TSHZ2: variants seen among roughly 807,000 people sequenced by gnomAD.
TSHZ2 encodes teashirt homolog 2.
A neutral mutation model predicts 74.4 loss-of-function variants in TSHZ2; 21 were observed. The ratio of observed to expected loss-of-function variants is 0.28; its 90% CI spans 0.20 to 0.41. The LOEUF is 0.41. Ranked by LOEUF, TSHZ2 falls within the 10% of genes least tolerant of loss-of-function variation. The pLI is 1.00. For synonymous variants in TSHZ2, 540 were observed against 515.3 expected (o/e 1.05, Z -0.65); for missense variants, 1,244 against 1,293.5 (o/e 0.96, Z 0.59).
intron 1 of TSHZ2, among the ~76,000 whole-genome samples, chr20:53,123,593 T>C (rs2123359620): frequency 6.6e-6 from 1 of 151,466 alleles, no homozygotes; most frequent in Non-Finnish European, 1.5e-5. Context: ...TAAGCATTTT[T>C]CAAGTTTTTG....
At chr20:53,003,350 C>T (rs976736912) in intron 1 of TSHZ2, among the ~76,000 whole-genome samples, 10 of 151,742 alleles carry the variant, frequency 6.6e-5, no homozygotes, top group African/African-American at 2.2e-4. Flanking sequence ...CGCTGGACAG[C>T]TCAGGATCTT....
intron 1 of TSHZ2, among the ~76,000 whole-genome samples, chr20:53,004,533 G>T (rs1022499032): frequency 6.6e-6 from 1 of 152,134 alleles, no homozygotes; most frequent in South Asian, 2.1e-4. Context: ...AACAAAAACA[G>T]AGAAAAGGCA....
At chr20:53,051,457 GCACACACACACACA>G (rs11474223) in intron 1 of TSHZ2, among the ~76,000 whole-genome samples, 16 of 145,098 alleles carry the variant, frequency 1.1e-4, no homozygotes, top group African/African-American at 2.0e-4. Context: ...TGTGGCGCAC[GCACACACACACACA>G]CACACACACA....
At chr20:53,192,894 T>A (rs1377718330) in intron 1 of TSHZ2, among the ~76,000 whole-genome samples, 2 of 152,242 alleles carry the variant, frequency 1.3e-5, no homozygotes, top group Non-Finnish European at 2.9e-5. Flanking sequence ...GAATACAAGA[T>A]TCCTCAGGTT....
chr20:53,101,807 G>A (rs545533370), intron 1 of TSHZ2, among the ~76,000 whole-genome samples: 1 of 152,254 alleles, frequency 6.6e-6, no homozygotes, highest in African/African-American at 2.4e-5. Flanking sequence ...ATTGGTGATG[G>A]GGTTAAAGTG....
chr20:53,273,662 G>A (rs1206507789), intron 2 of TSHZ2, among the ~76,000 whole-genome samples: 1 of 152,172 alleles, frequency 6.6e-6, no homozygotes, highest in Admixed American at 6.5e-5. Flanking sequence ...GAAAGCAGGA[G>A]GCCAGCAAGG....
chr20:53,436,330 A>T (rs954167409), intron 2 of TSHZ2, among the ~76,000 whole-genome samples: 11 of 152,074 alleles, frequency 7.2e-5, no homozygotes, highest in Non-Finnish European at 1.5e-4. Context: ...CCAAGAAACT[A>T]CGCTAGTCAG....
chr20:53,373,660 A>C (rs1163805835), intron 2 of TSHZ2, among the ~76,000 whole-genome samples: 1 of 152,238 alleles, frequency 6.6e-6, no homozygotes. Flanking sequence ...AGTTCAAGCC[A>C]ACAGGATTTT....
intron 1 of TSHZ2, among the ~76,000 whole-genome samples, chr20:53,025,489 G>C (rs1029685360): frequency 1.3e-5 from 2 of 152,144 alleles, no homozygotes; most frequent in Non-Finnish European, 2.9e-5. Context: ...GCACATTGAA[G>C]CTGCCCTTCC....
At chr20:53,126,122 G>T (rs114635885) in intron 1 of TSHZ2, among the ~76,000 whole-genome samples, 219 of 152,318 alleles carry the variant, frequency 1.4e-3, no homozygotes, top group African/African-American at 5.1e-3. Flanking sequence ...CTACCCTGAA[G>T]AAGCCATTTT....
chr20:53,329,412 C>A (rs1369742815), intron 2 of TSHZ2, among the ~76,000 whole-genome samples: 1 of 152,144 alleles, frequency 6.6e-6, no homozygotes, highest in Non-Finnish European at 1.5e-5. Flanking sequence ...TATACACAGA[C>A]CCCAGGACTG....
chr20:53,122,738 C>T (rs982765115), intron 1 of TSHZ2, among the ~76,000 whole-genome samples: 6 of 152,160 alleles, frequency 3.9e-5, no homozygotes, highest in African/African-American at 1.4e-4. Context: ...TACCTAGACA[C>T]ACCAAAGATA....
At chr20:53,389,360 T>C (rs542542489) in intron 2 of TSHZ2, among the ~76,000 whole-genome samples, 4 of 152,384 alleles carry the variant, frequency 2.6e-5, no homozygotes, top group Non-Finnish European at 5.9e-5. Flanking sequence ...GCTCAACTCC[T>C]ACACGATTGT....
intron 1 of TSHZ2, among the ~76,000 whole-genome samples, chr20:53,061,005 G>A (rs1984804582): frequency 6.6e-6 from 1 of 152,036 alleles, no homozygotes; most frequent in Admixed American, 6.6e-5. Context: ...TTTCTTATCT[G>A]TCTGTCAATT....
At chr20:53,139,605 A>G (rs1987337587) in intron 1 of TSHZ2, among the ~76,000 whole-genome samples, 1 of 152,234 alleles carries the variant, frequency 6.6e-6, no homozygotes, top group African/African-American at 2.4e-5. Context: ...TTTAAGTGGC[A>G]GTGATCAAAA....
chr20:53,155,134 G>T (rs535062249), intron 1 of TSHZ2, among the ~76,000 whole-genome samples: 2 of 146,300 alleles, frequency 1.4e-5, no homozygotes, highest in African/African-American at 5.1e-5. Context: ...TTTCCTGAGT[G>T]CTTCCATGAG....
intron 1 of TSHZ2, among the ~76,000 whole-genome samples, chr20:53,161,139 A>AAAAAAAC (rs2123463032): frequency 6.6e-6 from 1 of 150,552 alleles, no homozygotes; most frequent in African/African-American, 2.4e-5. Context: ...GCAAAAAAAA[A>AAAAAAAC]AAAAAAAAAA....
intron 1 of TSHZ2, among the ~76,000 whole-genome samples, chr20:53,105,939 G>A (rs955550754): frequency 5.9e-5 from 9 of 152,230 alleles, no homozygotes; most frequent in Admixed American, 3.3e-4. Flanking sequence ...ATGAGCCACC[G>A]CACCCAGCCT....
chr20:53,187,784 G>A (rs1295187000), intron 1 of TSHZ2, among the ~76,000 whole-genome samples: 1 of 152,048 alleles, frequency 6.6e-6, no homozygotes, highest in Non-Finnish European at 1.5e-5. Flanking sequence ...TTCAGATGGA[G>A]CATTTCTGAG....
Sources: gnomAD v4.1 joint callset for allele counts (sites outside exome capture counted in the v4.1 genomes callset) on GRCh38, gnomAD v4.1.1 for gene constraint, MANE v1.5 for transcripts, NCBI Gene and HGNC (gene_info 2026-07-23, HGNC 2026-07-21) for gene names.